The following GATAD2A variants were observed in gnomAD, a reference collection of about 807,000 sequenced individuals.
GATAD2A encodes the protein GATA zinc finger domain containing 2A.
A neutral mutation model predicts 68.5 loss-of-function variants in GATAD2A; 12 were observed. The ratio of observed to expected loss-of-function variants is 0.18; its 90% CI spans 0.11 to 0.28. The LOEUF (loss-of-function observed/expected upper bound fraction) is 0.28, where lower values mean the gene tolerates loss of function less well. Among genes scored for constraint, GATAD2A ranks in the 10% least tolerant of loss-of-function variants. The pLI is 1.00. For synonymous variants in GATAD2A, 410 were observed against 375.3 expected (o/e 1.09, Z -1.07); for missense variants, 755 against 868.5 (o/e 0.87, Z 1.64).
At chr19:19,483,643 C>G (rs1170226131) in intron 2 of GATAD2A, among the ~76,000 whole-genome samples, 1 of 151,760 alleles carries the variant, frequency 6.6e-6, no homozygotes, top group African/African-American at 2.4e-5. Context: ...GAGACTGAGT[C>G]TCGGTCTGTC....
At chr19:19,447,966 C>T (rs745334706) in intron 1 of GATAD2A, among the ~76,000 whole-genome samples, 1 of 152,378 alleles carries the variant, frequency 6.6e-6, no homozygotes, top group South Asian at 2.1e-4. Context: ...AGGGCCACAG[C>T]TTCGCCTGGC....
At chr19:19,420,005 C>CTTTTTTTTTTTT (rs397859927) in intron 1 of GATAD2A, among the ~76,000 whole-genome samples, 3 of 68,712 alleles carry the variant, frequency 4.4e-5, no homozygotes, top group African/African-American at 1.5e-4. Flanking sequence ...ACCATCTTGA[C>CTTTTTTTTTTTT]TTTTTTTTTT....
intron 1 of GATAD2A, among the ~76,000 whole-genome samples, chr19:19,461,452 A>G (rs894234325): frequency 1.3e-5 from 2 of 152,208 alleles, no homozygotes; most frequent in Non-Finnish European, 2.9e-5. Flanking sequence ...GGTTCCTGCC[A>G]CAGCATCAGT....
chr19:19,495,651 A>AAAC, intron 5 of GATAD2A, 103 bp from the exon 6 acceptor site: 1 of 1,076,804 alleles, frequency 9.3e-7, no homozygotes, highest in Non-Finnish European at 1.3e-6. Flanking sequence ...AAAAAAAAAA[A>AAAC]AAAACTAGTA....
rs1288116892 is a variant in GATAD2A, at chr19:19,470,574, G to T, written c.269+4960G>T. On this transcript the variant is annotated intron_variant, in intron 2 of 11. Coordinates refer to ENST00000683918, the MANE Select transcript of GATAD2A (RefSeq NM_001384528.1). ...AATATCCCACTCTCAATAATTGGTA[G>T]AACATCTAGACAAAATTGGCAAGGT... Among the ~76,000 whole-genome samples, 8 of 152,298 alleles carry T rather than the reference G, an allele frequency of 5.3e-5. No individual in the cohort carries two copies. The East Asian group carries it at 1.5e-3, about 29-fold the overall frequency.
intron 2 of GATAD2A, among the ~76,000 whole-genome samples, chr19:19,477,839 A>G (rs556298022): frequency 6.6e-6 from 1 of 152,286 alleles, no homozygotes; most frequent in Admixed American, 6.5e-5. Context: ...GGGGCACAAG[A>G]TTCAGAATAG....
At chr19:19,409,121 C>G (rs1251952016) in intron 1 of GATAD2A, among the ~76,000 whole-genome samples, 1 of 151,338 alleles carries the variant, frequency 6.6e-6, no homozygotes. Context: ...TGTAATGGCC[C>G]TTACCACTGA....
At position 19,507,351 on chromosome 19, in the gene GATAD2A, G is replaced by A. The variant is rs943862545; in HGVS notation, c.*1877G>A. 6.6e-6 allele frequency: 1 copy of A among 151,950 alleles called. No individual in the cohort carries two copies. The highest frequency in any genetic ancestry group is 1.5e-5 in the Non-Finnish European group (1 of 68,014). The allele number at this position is 151,950 out of a possible 1,614,324, so 9.4% of individuals were successfully genotyped here. A position where few individuals can be genotyped will look rare whatever the true frequency, so the allele number is the denominator to read the frequency against. Reference sequence around the variant, plus strand: ...TACCTGTCTCCTACGACCCTGAGCTGTTAGCCCTCTCTGTTCCATGACAGG... The same window carrying A: ...TACCTGTCTCCTACGACCCTGAGCTATTAGCCCTCTCTGTTCCATGACAGG... On this transcript the variant is annotated 3_prime_UTR_variant, in exon 12 of 12. Coordinates refer to ENST00000683918, the MANE Select transcript of GATAD2A (RefSeq NM_001384528.1).
intron 2 of GATAD2A, among the ~76,000 whole-genome samples, chr19:19,467,139 G>C (rs370925248): frequency 7.2e-5 from 11 of 152,344 alleles, no homozygotes; most frequent in African/African-American, 2.4e-4. Flanking sequence ...ACTTTAGGGG[G>C]CCGAGGCGGG....
intron 1 of GATAD2A, among the ~76,000 whole-genome samples, chr19:19,433,279 C>T (rs868252742): frequency 1.3e-5 from 2 of 152,264 alleles, no homozygotes; most frequent in East Asian, 1.9e-4. Context: ...GATCCACATG[C>T]GTGCATCTAT....
At chr19:19,496,288 G>GAACA in intron 7 of GATAD2A, 69 bp downstream of exon 7, 2 of 1,398,046 alleles carry the variant, frequency 1.4e-6, no homozygotes, top group Non-Finnish European at 2.0e-6. Context: ...CTTGGACCCA[G>GAACA]GTTCTGGGGC....
chr19:19,408,962 G>T (rs1252121198), intron 1 of GATAD2A, among the ~76,000 whole-genome samples: 2 of 151,072 alleles, frequency 1.3e-5, no homozygotes, highest in African/African-American at 2.4e-5. Context: ...ACTAAAGGAT[G>T]CCTCTGAAGA....
Position 19,506,059 on chromosome 19 carries a change from C to A in GATAD2A, c.*585C>A. 1 of 399,026 alleles carries A rather than the reference C, an allele frequency of 2.5e-6. No individual in the cohort carries two copies. Among genetic ancestry groups the A allele is most frequent in the South Asian group, 1.3e-4 (1 of 7,864 alleles). The allele number at this position is 399,026 out of a possible 1,614,324, so 24.7% of individuals were successfully genotyped here. The stretch of plus-strand genomic sequence containing the variant: ...GGGTCCCTGTTGTACGCTGCATCAT[C>A]CCGCTGGCCCTGTGCCCTGGAGGGT... On this transcript the variant is annotated 3_prime_UTR_variant, in exon 12 of 12. Transcript: ENST00000683918.
rs538925149 is a variant in GATAD2A at position 19,429,080 on chromosome 19, C to T, written c.-7+23061C>T. On this transcript the variant is annotated intron_variant, in intron 1 of 11. Coordinates refer to ENST00000683918, the MANE Select transcript of GATAD2A (RefSeq NM_001384528.1). Reference sequence around the variant, plus strand: ...ACCTCTTGGTTGGGTCCTGACAACTCGTGGAGGTCCCCATTTTGTAGTCTC... The same window carrying T: ...ACCTCTTGGTTGGGTCCTGACAACTTGTGGAGGTCCCCATTTTGTAGTCTC... Among the ~76,000 whole-genome samples, 17 of 150,000 alleles carry T rather than the reference C, an allele frequency of 1.1e-4. No individual in the cohort carries two copies. In the South Asian group the frequency reaches 2.7e-3, roughly 24 times the overall value.
intron 1 of GATAD2A, among the ~76,000 whole-genome samples, chr19:19,456,308 G>T (rs892675879): frequency 1.2e-4 from 18 of 152,132 alleles, no homozygotes; most frequent in African/African-American, 3.4e-4. Flanking sequence ...TCGGGGTCCC[G>T]CATGTTATGG....
chr19:19,489,752 T>A (rs2059662000), intron 2 of GATAD2A, among the ~76,000 whole-genome samples: 1 of 152,262 alleles, frequency 6.6e-6, no homozygotes, highest in African/African-American at 2.4e-5. Flanking sequence ...CCCTTAGAGC[T>A]TGGCTGTCAT....
chr19:19,445,772 A>G (rs2055638336), intron 1 of GATAD2A, among the ~76,000 whole-genome samples: 1 of 152,226 alleles, frequency 6.6e-6, no homozygotes, highest in Non-Finnish European at 1.5e-5. Flanking sequence ...GCCAAATAAT[A>G]TTCCATTGTC....
chr19:19,390,981 G>A (rs2048807939), intron 1 of GATAD2A, among the ~76,000 whole-genome samples: 1 of 152,202 alleles, frequency 6.6e-6, no homozygotes, highest in African/African-American at 2.4e-5. Flanking sequence ...AAGCTCCCAA[G>A]GCCCAGAGGG....
chr19:19,469,431 C>CAAAAAA (rs56310236), intron 2 of GATAD2A, among the ~76,000 whole-genome samples: 32 of 132,208 alleles, frequency 2.4e-4, no homozygotes, highest in African/African-American at 5.4e-4. Flanking sequence ...GACTCCATCT[C>CAAAAAA]AAAAAAAAAG....
Sources: gnomAD v4.1 joint callset for allele counts (sites outside exome capture counted in the v4.1 genomes callset) on GRCh38, gnomAD v4.1.1 for gene constraint, MANE v1.5 for transcripts, NCBI Gene and HGNC (gene_info 2026-07-23, HGNC 2026-07-21) for gene names.